NOTCH4: variants seen among roughly 807,000 people sequenced by gnomAD.
NOTCH4 encodes notch receptor 4.
Under a neutral mutation model 189.0 loss-of-function variants are expected in NOTCH4, and 138 were observed. The observed-to-expected ratio is 0.73, with a 90% CI of 0.64 to 0.84. The LOEUF (loss-of-function observed/expected upper bound fraction) is 0.84, where lower values mean the gene tolerates loss of function less well. NOTCH4 is among the 40% of genes least tolerant of loss of function. NOTCH4 has a pLI of 0.00. For missense variants in NOTCH4, 2,286 were observed against 2,605.4 expected (o/e 0.88, Z 2.67); for synonymous variants, 942 against 1,032.8 (o/e 0.91, Z 1.69).
Position 32,210,641 on chromosome 6 carries a change from A to C in NOTCH4, c.2865+111T>G. ...GGTTAGTTGGGTGTGTGGGGTTAAA[A>C]AAAATAAAAGGAGGTGAAATGGATA... On this transcript the variant is annotated intron_variant, in intron 18 of 29. Coordinates refer to ENST00000375023, the MANE Select transcript of NOTCH4 (RefSeq NM_004557.4). The surrounding 1 kb of genome is among the most constrained non-coding windows in gnomAD (Gnocchi z 4.8). 1.8e-6 allele frequency: 2 copies of C among 1,108,488 alleles called. No homozygotes were observed. Among genetic ancestry groups the C allele is most frequent in the Non-Finnish European group, 2.7e-6 (2 of 751,164 alleles). The allele number at this position is 1,108,488 out of a possible 1,614,324, so 68.7% of individuals were successfully genotyped here.
At chr6:32,219,983 C>A in intron 7 of NOTCH4, 146 bp downstream of exon 7, 6 of 957,574 alleles carry the variant, frequency 6.3e-6, no homozygotes, top group South Asian at 1.5e-5. Context: ...GAGAGAGGGT[C>A]ATGTAGGCAA....
At position 32,198,906 on chromosome 6, in the gene NOTCH4, G is replaced by C; in HGVS notation, c.4535+20C>G. 1.3e-6 allele frequency: 2 copies of C among 1,532,870 alleles called. No individual in the cohort carries two copies. The highest frequency in any genetic ancestry group is 1.8e-6 in the Non-Finnish European group (2 of 1,139,794). 95.0% of individuals were successfully genotyped at this position (1,532,870 alleles called of 1,614,324 possible). A position where few individuals can be genotyped will look rare whatever the true frequency, so the allele number is the denominator to read the frequency against. ...AGGAGAGACTCCCCTTCCTGAGCCTGGGTTTCTCCTCATTCTCACTTGAGA... is the reference window on the plus strand; with the variant it reads ...AGGAGAGACTCCCCTTCCTGAGCCTCGGTTTCTCCTCATTCTCACTTGAGA... On this transcript the variant is annotated intron_variant, in intron 24 of 29. Coordinates refer to ENST00000375023, the MANE Select transcript of NOTCH4 (RefSeq NM_004557.4). The surrounding 1 kb of genome is among the most constrained non-coding windows in gnomAD (Gnocchi z 5.5).
In NOTCH4 at chr6:32,197,406, C is replaced by A. The variant is rs755789166; in HGVS notation, c.4945G>T (p.Ala1649Ser). The change falls in exon 27 of 30, where the codon GCT (alanine) becomes TCT (serine). Residue 1649 changes from alanine to serine, a missense_variant. Physicochemically the swap from Ala to Ser is moderately conservative, Grantham distance 99 (BLOSUM62 1). This residue lies in a region of NOTCH4 where 1,903 missense variants were observed against 2,261.9 expected (regional missense o/e 0.84). Transcript: ENST00000375023. The stretch of plus-strand genomic sequence containing the variant: ...CCAGCCTCAAGGAGGCGGCGGGCAG[C>A]GGTTGGCCGGGAGAATCGGGCAGCC... ...HLAARFSRPT[A>S]ARRLLEAGAN... 1 of 1,542,068 alleles carries A rather than the reference C, an allele frequency of 6.5e-7. No homozygotes were observed. Among genetic ancestry groups the A allele is most frequent in the South Asian group, 1.2e-5 (1 of 80,112 alleles).
Position 32,218,124 on chromosome 6 carries a change from C to T in NOTCH4, c.1511-16G>A, listed in dbSNP as rs750677092. On this transcript the variant is annotated splice_polypyrimidine_tract_variant and intron_variant, in intron 8 of 29. Coordinates refer to ENST00000375023, the MANE Select transcript of NOTCH4 (RefSeq NM_004557.4). ...CCTTCTAAGCCTGGGGACATGGGGA[C>T]CATGAGGGCTGTGGCTCAGCCAGGT... The T allele has an allele frequency of 3.6e-5, 56 of 1,537,962 alleles. No individual in the cohort carries two copies. The South Asian group carries it at 6.3e-4, about 17-fold the overall frequency.
chr6:32,195,230 C>T lies in NOTCH4; in HGVS notation c.*207G>A, dbSNP rs1787784642. The T allele has an allele frequency of 1.2e-5, 7 of 578,850 alleles. No individual in the cohort carries two copies. Among genetic ancestry groups the T allele is most frequent in the Non-Finnish European group, 2.1e-5 (7 of 335,212 alleles). 35.9% of individuals were successfully genotyped at this position (578,850 alleles called of 1,614,324 possible). A position where few individuals can be genotyped will look rare whatever the true frequency, so the allele number is the denominator to read the frequency against. On this transcript the variant is annotated 3_prime_UTR_variant, in exon 30 of 30. Transcript: ENST00000375023. This position sits in a 1 kb window ranked among gnomAD's most constrained non-coding sequence, Gnocchi z 5.4. Reference sequence around the variant, plus strand: ...TTTTCTGGAGGAGGACTGGGCCTGCCTCATCCTAGCATCTTAAACCCTCTT... The same window carrying T: ...TTTTCTGGAGGAGGACTGGGCCTGCTTCATCCTAGCATCTTAAACCCTCTT...
rs778598402 is a variant in NOTCH4, at chr6:32,195,833, C to T, written c.5616G>A (p.Gly1872=). ...TCCGAGCCTGCAGACAAGCTCCGCC[C>T]CCACGAGGGCCTGCTCCGGCTGACA... ...RTLSAGAGPR[G]GGACLQARTW... is the part of the protein sequence containing the mutation. The change falls in exon 30 of 30, where the codon GGG becomes GGA. Residue 1872 remains glycine, a synonymous_variant. Coordinates refer to ENST00000375023, the MANE Select transcript of NOTCH4 (RefSeq NM_004557.4). This position sits in a 1 kb window ranked among gnomAD's most constrained non-coding sequence, Gnocchi z 5.4. The T allele has an allele frequency of 6.3e-7, 1 of 1,598,534 alleles. No homozygotes were observed. The highest frequency in any genetic ancestry group is 8.5e-7 in the Non-Finnish European group (1 of 1,178,700).
rs773237467 is a variant in NOTCH4 at position 32,201,026 on chromosome 6, G to A, written c.4140-20C>T. ...ACAAACCTGTAGAGGAGGCACCTCAGAGACCTCTGTATTGGTCCCTGGCTC... is the reference window on the plus strand; with the variant it reads ...ACAAACCTGTAGAGGAGGCACCTCAAAGACCTCTGTATTGGTCCCTGGCTC... On this transcript the variant is annotated intron_variant, in intron 22 of 29. Coordinates refer to ENST00000375023, the MANE Select transcript of NOTCH4 (RefSeq NM_004557.4). The surrounding 1 kb of genome is among the most constrained non-coding windows in gnomAD (Gnocchi z 5.5). 1.9e-6 allele frequency: 3 copies of A among 1,554,646 alleles called. No homozygotes were observed. In the Admixed American group the frequency reaches 5.7e-5, roughly 29 times the overall value.
At position 32,220,153 on chromosome 6, in the gene NOTCH4, G is replaced by C; in HGVS notation, c.1291C>G (p.Gln431Glu). 1 of 1,613,848 alleles carries C rather than the reference G, an allele frequency of 6.2e-7. No homozygotes were observed. The highest frequency in any genetic ancestry group is 8.5e-7 in the Non-Finnish European group (1 of 1,179,992). ...CCCATCAGACACTCGTCCAGGTCCT[G>C]GTGGCAGGTGGGCCCCGAATAGCCA... Reference protein sequence around the residue: ...QPGYSGPTCHQDLDECLMAQQ... With the variant: ...QPGYSGPTCHEDLDECLMAQQ... Residue 431 changes from glutamine to glutamate, a missense_variant, in exon 7 of 30, where the codon CAG becomes GAG. This residue lies in a region of NOTCH4 where 1,903 missense variants were observed against 2,261.9 expected (regional missense o/e 0.84). Transcript: ENST00000375023.
Position 32,215,292 on chromosome 6 carries a change from G to A in NOTCH4, c.1955C>T (p.Pro652Leu), listed in dbSNP as rs1364663161. 6.2e-7 allele frequency: 1 copy of A among 1,607,528 alleles called. No homozygotes were observed. The highest frequency in any genetic ancestry group is 1.3e-5 in the African/African-American group (1 of 74,922). The change falls in exon 12 of 30, where the codon CCT (proline) becomes CTT (leucine). Residue 652 changes from proline (P) to leucine (L), a missense_variant. Physicochemically the swap from Pro to Leu is moderately conservative, Grantham distance 98. This residue lies in a region of NOTCH4 where 1,903 missense variants were observed against 2,261.9 expected (regional missense o/e 0.84). Coordinates refer to ENST00000375023, the MANE Select transcript of NOTCH4 (RefSeq NM_004557.4). ...TGGGGCACAGCCAGGGCTTCCATCA[G>A]GACAGAGGCAGTTGGCCTTGTCTTT... ...DQKDKANCLC[P>L]DGSPGCAPPE...
rs750694083 is a variant in NOTCH4 at position 32,202,562 on chromosome 6, G to A, written c.3269C>T (p.Ser1090Phe). The change falls in exon 21 of 30, where the codon TCC (serine) becomes TTC (phenylalanine). Residue 1090 changes from serine (S) to phenylalanine (F), a missense_variant. Around this residue, in one of 2 missense-constraint regions of NOTCH4, gnomAD observed 1,903 missense variants for 2,261.9 expected, o/e 0.84. Coordinates refer to ENST00000375023, the MANE Select transcript of NOTCH4 (RefSeq NM_004557.4). The surrounding 1 kb of genome is among the most constrained non-coding windows in gnomAD (Gnocchi z 5.7). ...EGPTCSHRAP[S>F]CGFHHCHHGG... ...GTGGTGGCAGTGATGGAAGCCGCAG[G>A]AAGGGGCCCTGTGGCTGCAGGTGGG... is the stretch of plus-strand genomic sequence containing the variant. 1.2e-6 allele frequency: 2 copies of A among 1,601,230 alleles called. No homozygotes were observed. The highest frequency in any genetic ancestry group is 8.5e-7 in the Non-Finnish European group (1 of 1,170,686).
rs1787881756 is a variant in NOTCH4 at position 32,196,020 on chromosome 6, C to G, written c.5429G>C (p.Arg1810Pro). Reference protein sequence around the residue: ...GLAPADVAHQRNHWDLLTLLE... With the variant: ...GLAPADVAHQPNHWDLLTLLE... ...CAGCGTCAGCAGATCCCAGTGGTTA[C>G]GTTGGTGAGCGACGTCCGCCGGCGC... Residue 1810 changes from arginine (R) to proline (P), a missense_variant, in exon 30 of 30, where the codon CGT becomes CCT. Physicochemically the swap from Arg to Pro is moderately radical, Grantham distance 103 (BLOSUM62 -2). Coordinates refer to ENST00000375023, the MANE Select transcript of NOTCH4 (RefSeq NM_004557.4). 8.1e-6 allele frequency: 13 copies of G among 1,598,190 alleles called. No individual in the cohort carries two copies. Among genetic ancestry groups the G allele is most frequent in the Non-Finnish European group, 1.1e-5 (13 of 1,178,602 alleles).
chr6:32,196,979 G>A lies in NOTCH4; in HGVS notation c.5146C>T (p.Leu1716=), dbSNP rs776396595. Reference sequence around the variant, plus strand: ...TGGGCTGCAATCAGTTCTTCAACCAGGTCTTCCACCGCCAGCCTGGCAGCC... The same window carrying A: ...TGGGCTGCAATCAGTTCTTCAACCAAGTCTTCCACCGCCAGCCTGGCAGCC... ...MLAARLAVED[L]VEELIAAQAD... The change falls in exon 28 of 30, where the codon CTG becomes TTG. Residue 1716 remains leucine, a synonymous_variant. Coordinates refer to ENST00000375023, the MANE Select transcript of NOTCH4 (RefSeq NM_004557.4). 1 of 1,612,882 alleles carries A rather than the reference G, an allele frequency of 6.2e-7. No homozygotes were observed. Among genetic ancestry groups the A allele is most frequent in the South Asian group, 1.1e-5 (1 of 91,080 alleles).
At position 32,198,674 on chromosome 6, in the gene NOTCH4, G is replaced by A. The variant is rs1788134824; in HGVS notation, c.4592C>T (p.Pro1531Leu). Residue 1531 changes from proline to leucine, a missense_variant, in exon 25 of 30, where the codon CCT becomes CTT. Transcript: ENST00000375023. This position sits in a 1 kb window ranked among gnomAD's most constrained non-coding sequence, Gnocchi z 5.5. ...DEDGVVMCSG[P>L]EEGEEVGQAE... ...CTGGCCCACCTCCTCTCCCTCCTCA[G>A]GGCCTGAGCACATCACAACTCCATC... 9.3e-6 allele frequency: 15 copies of A among 1,612,606 alleles called. No individual in the cohort carries two copies. Among genetic ancestry groups the A allele is most frequent in the Non-Finnish European group, 1.3e-5 (15 of 1,179,818 alleles).
chr6:32,222,708 G>A lies in NOTCH4; in HGVS notation c.254C>T (p.Pro85Leu), dbSNP rs773859864. ...AGAGCTGGGGAGCCCTAGGGGAGCGGGAAGCAGGGCTTGGCAGCTGCCTCC... is the reference window on the plus strand; with the variant it reads ...AGAGCTGGGGAGCCCTAGGGGAGCGAGAAGCAGGGCTTGGCAGCTGCCTCC... ...QNGGSCQALL[P>L]APLGLPSSPS... Residue 85 changes from proline (P) to leucine (L), a missense_variant, in exon 3 of 30, where the codon CCC becomes CTC. By Grantham distance (98) the Pro-to-Leu change is moderately conservative. Around this residue, in one of 2 missense-constraint regions of NOTCH4, gnomAD observed 1,903 missense variants for 2,261.9 expected, o/e 0.84. Coordinates refer to ENST00000375023, the MANE Select transcript of NOTCH4 (RefSeq NM_004557.4). 1.8e-5 allele frequency: 29 copies of A among 1,608,414 alleles called. No individual in the cohort carries two copies. In the South Asian group the frequency reaches 3.1e-4, roughly 17 times the overall value.
Position 32,222,992 on chromosome 6 carries a change from A to C in NOTCH4, c.155+13T>G, listed in dbSNP as rs759693361. The C allele has an allele frequency of 1.1e-5, 17 of 1,606,260 alleles. No homozygotes were observed. The Admixed American group carries it at 1.2e-4, about 11-fold the overall frequency. On this transcript the variant is annotated intron_variant, in intron 2 of 29. Transcript: ENST00000375023. Reference sequence around the variant, plus strand: ...TTTCTCTCCAGTCTCCCACTCCTGCAAGGCACACTCACTGGCAGGTCCCTT... The same window carrying C: ...TTTCTCTCCAGTCTCCCACTCCTGCCAGGCACACTCACTGGCAGGTCCCTT...
At position 32,195,417 on chromosome 6, in the gene NOTCH4, C is replaced by T. The variant is rs1016097660; in HGVS notation, c.*20G>A. On this transcript the variant is annotated 3_prime_UTR_variant, in exon 30 of 30. Coordinates refer to ENST00000375023, the MANE Select transcript of NOTCH4 (RefSeq NM_004557.4). The surrounding 1 kb of genome is among the most constrained non-coding windows in gnomAD (Gnocchi z 5.4). ...TTAATGGGTAATCATTTTTGGAATT[C>T]CTCCCTACCATGTATTCTTCTATTT... The T allele has an allele frequency of 6.5e-7, 1 of 1,540,958 alleles. No individual in the cohort carries two copies. The highest frequency in any genetic ancestry group is 8.7e-7 in the Non-Finnish European group (1 of 1,143,856).
chr6:32,206,850 C>G (rs1392513007), intron 18 of NOTCH4, among the ~76,000 whole-genome samples: 2 of 151,922 alleles, frequency 1.3e-5, no homozygotes, highest in African/African-American at 4.8e-5. Flanking sequence ...AAAACAGACA[C>G]ATAGACCAAT....
Position 32,195,804 on chromosome 6 carries a change from C to G in NOTCH4, c.5645G>C (p.Trp1882Ser), listed in dbSNP as rs757609958. 5.0e-6 allele frequency: 8 copies of G among 1,602,810 alleles called. No individual in the cohort carries two copies. Among genetic ancestry groups the G allele is most frequent in the South Asian group, 1.1e-5 (1 of 90,954 alleles). ...CCCCCGCGCAGCCAAGTCTACGGAC[C>G]AAGTCCGAGCCTGCAGACAAGCTCC... ...GGGACLQART[W>S]SVDLAARGGG... Residue 1882 changes from tryptophan to serine, a missense_variant, in exon 30 of 30, where the codon TGG becomes TCG. Coordinates refer to ENST00000375023, the MANE Select transcript of NOTCH4 (RefSeq NM_004557.4). The surrounding 1 kb of genome is among the most constrained non-coding windows in gnomAD (Gnocchi z 5.4).
chr6:32,222,926 G>A lies in NOTCH4; in HGVS notation c.155+79C>T. On this transcript the variant is annotated intron_variant, in intron 2 of 29. Transcript: ENST00000375023. ...CTTCACTTCCTCTCTTTCTTCTTTG[G>A]TCTCACTTCCTCACCTCTCCCCCCC... 3.9e-6 allele frequency: 6 copies of A among 1,549,582 alleles called. No homozygotes were observed. In the South Asian group the frequency reaches 6.7e-5, roughly 17 times the overall value.
Sources: allele counts gnomAD v4.1 joint callset (sites outside exome capture counted in the v4.1 genomes callset), GRCh38; gene constraint gnomAD v4.1.1; regional missense constraint gnomAD v4.1.1; non-coding constraint Gnocchi (gnomAD v3.1); transcripts MANE v1.5; gene names NCBI Gene and HGNC (gene_info 2026-07-23, HGNC 2026-07-21).